Variants in LUZP2 observed in about 807,000 individuals in gnomAD.
LUZP2 encodes the protein leucine zipper protein 2.
LUZP2 carries 52 observed loss-of-function variants against 51.6 expected under a neutral mutation model. That is an observed-to-expected ratio of 1.01 (90% confidence interval 0.81 to 1.27). The LOEUF (loss-of-function observed/expected upper bound fraction) is 1.27. LUZP2 is among the 50% of genes most tolerant of loss of function. The pLI, the probability that LUZP2 is intolerant of heterozygous loss-of-function variation, is 0.00. For synonymous variants in LUZP2, 154 were observed against 137.3 expected, an observed-to-expected ratio of 1.12 and a Z score of -0.85; for missense variants, 436 against 395.4, an observed-to-expected ratio of 1.10 and a Z score of -0.87.
At chr11:24,737,501 TA>T (rs74313884) in intron 3 of LUZP2, among the ~76,000 whole-genome samples, 1 of 150,358 alleles carries the variant, frequency 6.7e-6, no homozygotes, top group East Asian at 2.0e-4. Context: ...ATAGCTCGAG[TA>T]AAAAAAAATC....
chr11:24,959,885 GT>G (rs1476581459), intron 7 of LUZP2, among the ~76,000 whole-genome samples: 1 of 152,136 alleles, frequency 6.6e-6, no homozygotes, highest in African/African-American at 2.4e-5. Flanking sequence ...ATTGCTGTGG[GT>G]TTGTCATAGA....
At chr11:24,975,258 A>G (rs1855853932) in intron 7 of LUZP2, among the ~76,000 whole-genome samples, 1 of 152,032 alleles carries the variant, frequency 6.6e-6, no homozygotes, top group South Asian at 2.1e-4. Context: ...AAGATGAGTA[A>G]TATTTGCTGA....
chr11:24,610,876 C>T (rs577198141), intron 1 of LUZP2, among the ~76,000 whole-genome samples: 13 of 152,154 alleles, frequency 8.5e-5, no homozygotes, highest in Non-Finnish European at 1.6e-4. Context: ...ACCCAGGAGG[C>T]GAAGGTTGCA....
intron 5 of LUZP2, among the ~76,000 whole-genome samples, chr11:24,860,556 T>C (rs1851710671): frequency 6.6e-6 from 1 of 152,110 alleles, no homozygotes. Flanking sequence ...AACAGGATGG[T>C]GCCTCAAGAT....
chr11:24,638,928 T>G (rs1362389917), intron 1 of LUZP2, among the ~76,000 whole-genome samples: 1 of 151,524 alleles, frequency 6.6e-6, no homozygotes, highest in African/African-American at 2.4e-5. Context: ...AAAAAAATAT[T>G]TTTAACAGTT....
At chr11:24,927,929 G>T (rs1016707923) in intron 7 of LUZP2, among the ~76,000 whole-genome samples, 6 of 151,846 alleles carry the variant, frequency 4.0e-5, no homozygotes, top group African/African-American at 1.5e-4. Context: ...CTGCTTTGTA[G>T]TTTTCCTTGT....
chr11:24,668,972 T>C (rs1020734577), intron 1 of LUZP2, among the ~76,000 whole-genome samples: 2 of 152,142 alleles, frequency 1.3e-5, no homozygotes, highest in Non-Finnish European at 2.9e-5. Context: ...AATTTCTATA[T>C]TTTTCAGTAA....
chr11:24,664,729 G>A (rs946140958), intron 1 of LUZP2, among the ~76,000 whole-genome samples: 1 of 152,166 alleles, frequency 6.6e-6, no homozygotes, highest in Non-Finnish European at 1.5e-5. Context: ...CTAAGCCTTG[G>A]CACTTATATG....
chr11:24,527,224 T>C (rs1233109853), intron 1 of LUZP2, among the ~76,000 whole-genome samples: 1 of 151,310 alleles, frequency 6.6e-6, no homozygotes, highest in Non-Finnish European at 1.5e-5. Context: ...GTTTATCTTC[T>C]AAAAAGAGGC....
At chr11:24,600,174 AACACAC>A (rs61439379) in intron 1 of LUZP2, among the ~76,000 whole-genome samples, 51,686 of 143,870 alleles carry the variant, frequency 0.36, 10,327 homozygotes, top group Non-Finnish European at 0.47. Flanking sequence ...TGTAGATTAC[AACACAC>A]ACACACACAC....
chr11:24,680,973 ATT>A (rs67751061), intron 1 of LUZP2, among the ~76,000 whole-genome samples: 74,259 of 111,566 alleles, frequency 0.67, 20,991 homozygotes, highest in Non-Finnish European at 0.71. Context: ...TTCTTTCTTT[ATT>A]TTTTTTTTTT....
intron 4 of LUZP2, among the ~76,000 whole-genome samples, chr11:24,748,836 A>T (rs1026559207): frequency 1.3e-5 from 2 of 152,164 alleles, no homozygotes; most frequent in Non-Finnish European, 2.9e-5. Context: ...ACACATACAC[A>T]TACGTAAGGG....
At chr11:24,803,310 C>T (rs1474957928) in intron 5 of LUZP2, among the ~76,000 whole-genome samples, 1 of 151,930 alleles carries the variant, frequency 6.6e-6, no homozygotes, top group African/African-American at 2.4e-5. Context: ...TGAGATACTA[C>T]TTCATACGTC....
chr11:24,689,628 G>A (rs1464918547), intron 1 of LUZP2, among the ~76,000 whole-genome samples: 2 of 152,064 alleles, frequency 1.3e-5, no homozygotes, highest in Admixed American at 6.6e-5. Context: ...GTGGGGTTGG[G>A]GAGGACTCTT....
At chr11:24,863,478 A>G (rs1851799031) in intron 5 of LUZP2, among the ~76,000 whole-genome samples, 1 of 152,084 alleles carries the variant, frequency 6.6e-6, no homozygotes, top group African/African-American at 2.4e-5. Context: ...TACTCCATTC[A>G]TGTGAAATCT....
At chr11:24,721,009 T>G (rs943620531) in intron 1 of LUZP2, among the ~76,000 whole-genome samples, 1 of 152,184 alleles carries the variant, frequency 6.6e-6, no homozygotes, top group Non-Finnish European at 1.5e-5. Context: ...TGAAAAAGCC[T>G]GAGTTGAAGC....
intron 8 of LUZP2, 60 bp from the exon 9 acceptor site, chr11:24,983,066 C>T: frequency 6.5e-7 from 1 of 1,531,894 alleles, no homozygotes; most frequent in Non-Finnish European, 8.9e-7. Flanking sequence ...AGGGAGAATG[C>T]AAGCAGATAA....
At chr11:24,965,860 T>A (rs1405232311) in intron 7 of LUZP2, among the ~76,000 whole-genome samples, 2 of 151,804 alleles carry the variant, frequency 1.3e-5, no homozygotes, top group Non-Finnish European at 3.0e-5. Context: ...CAAGGAATCA[T>A]AAATTCCTTT....
intron 1 of LUZP2, among the ~76,000 whole-genome samples, chr11:24,543,823 CAAAAAA>C (rs71041774): frequency 9.3e-5 from 7 of 75,592 alleles, no homozygotes; most frequent in South Asian, 1.4e-3. Flanking sequence ...CTCTGTCTCA[CAAAAAA>C]AAAAAAAAAA....
Sources: allele counts gnomAD v4.1 joint callset (sites outside exome capture counted in the v4.1 genomes callset), GRCh38; gene constraint gnomAD v4.1.1; transcripts MANE v1.5; gene names NCBI Gene and HGNC (gene_info 2026-07-23, HGNC 2026-07-21).